The following FRAS1 variants were observed in gnomAD, a reference collection of about 807,000 sequenced individuals.
FRAS1 encodes the protein Fraser extracellular matrix complex subunit 1, also known as extracellular matrix organizing protein FRAS1.
FRAS1 carries 290 observed loss-of-function variants against 435.2 expected under a neutral mutation model. The ratio of observed to expected loss-of-function variants is 0.67; its 90% CI spans 0.61 to 0.73. The LOEUF (loss-of-function observed/expected upper bound fraction) is 0.73, where lower values mean the gene tolerates loss of function less well. FRAS1 is among the 30% of genes least tolerant of loss of function. The probability of loss-of-function intolerance (pLI) is 0.00; values close to 1 mark genes in which losing one functional copy is unlikely to be tolerated. For synonymous variants in FRAS1, 1,800 were observed against 1,851.0 expected, an observed-to-expected ratio of 0.97 and a Z score of 0.71; for missense variants, 4,860 against 5,001.5, an observed-to-expected ratio of 0.97 and a Z score of 0.85.
intron 18 of FRAS1, among the ~76,000 whole-genome samples, chr4:78,323,726 G>A (rs1729600173): frequency 6.6e-6 from 1 of 152,078 alleles, no homozygotes; most frequent in Non-Finnish European, 1.5e-5. Context: ...GACAGACAGA[G>A]CAAAGGATCT....
chr4:78,508,611 GT>G (rs1163079800), intron 62 of FRAS1, 119 bp from the exon 63 acceptor site: 1 of 1,006,558 alleles, frequency 9.9e-7, no homozygotes, highest in Non-Finnish European at 1.5e-6. Context: ...AACTTCTCCT[GT>G]TATATTTCAA....
At chr4:78,539,492 T>TA in intron 73 of FRAS1, 52 bp downstream of exon 73, 19 of 1,305,198 alleles carry the variant, frequency 1.5e-5, no homozygotes, top group Admixed American at 5.9e-5. Flanking sequence ...CTTTAAAGCT[T>TA]GAAAAAAAAA....
chr4:78,138,948 G>A (rs927987595), intron 2 of FRAS1, among the ~76,000 whole-genome samples: 6 of 152,136 alleles, frequency 3.9e-5, no homozygotes, highest in Non-Finnish European at 5.9e-5. Flanking sequence ...GGATTAATAA[G>A]CACTTCTCTT....
intron 2 of FRAS1, among the ~76,000 whole-genome samples, chr4:78,158,455 T>C (rs994448877): frequency 6.6e-6 from 1 of 152,172 alleles, no homozygotes; most frequent in African/African-American, 2.4e-5. Flanking sequence ...CTATTATAAA[T>C]GCAATTGCAT....
intron 2 of FRAS1, among the ~76,000 whole-genome samples, chr4:78,113,625 T>C (rs1439180472): frequency 3.9e-5 from 6 of 152,262 alleles, no homozygotes; most frequent in Non-Finnish European, 8.8e-5. Context: ...ATAAATGTCT[T>C]CTTTTGAGAA....
chr4:78,393,044 G>C (rs1451215229), intron 29 of FRAS1, among the ~76,000 whole-genome samples: 1 of 146,860 alleles, frequency 6.8e-6, no homozygotes, highest in Non-Finnish European at 1.5e-5. Flanking sequence ...CTACTTTATT[G>C]AGGAATGATT....
Position 78,167,228 on chromosome 4 carries a change from C to T in FRAS1, c.109-70282C>T, listed in dbSNP as rs1721367340. On this transcript the variant is annotated intron_variant, in intron 2 of 73. Transcript: ENST00000512123. ...TTATCTTTCAGCAGTTACTGACTTT[C>T]TTCCATGTACCAAAGGCTGAACTTA... is the stretch of plus-strand genomic sequence containing the variant. Among the ~76,000 whole-genome samples the T allele has an allele frequency of 2.0e-5, 3 of 152,306 alleles. No individual in the cohort carries two copies. The South Asian group carries it at 6.2e-4, about 32-fold the overall frequency.
intron 2 of FRAS1, among the ~76,000 whole-genome samples, chr4:78,219,588 TA>T (rs1723961099): frequency 6.6e-6 from 1 of 152,208 alleles, no homozygotes; most frequent in South Asian, 2.1e-4. Context: ...ATTAAGCATC[TA>T]AATAACATGT....
At chr4:78,462,299 TG>T (rs1719393947) in intron 47 of FRAS1, among the ~76,000 whole-genome samples, 1 of 151,944 alleles carries the variant, frequency 6.6e-6, no homozygotes, top group African/African-American at 2.4e-5. Context: ...CACTTGAACC[TG>T]GGAGGTGAAG....
chr4:78,240,590 GA>G (rs1216873999), intron 3 of FRAS1, among the ~76,000 whole-genome samples: 1 of 152,206 alleles, frequency 6.6e-6, no homozygotes, highest in Non-Finnish European at 1.5e-5. Context: ...AAATGTCTGG[GA>G]AAGACCCAGG....
At chr4:78,177,596 G>A (rs573445746) in intron 2 of FRAS1, among the ~76,000 whole-genome samples, 7 of 152,272 alleles carry the variant, frequency 4.6e-5, no homozygotes, top group African/African-American at 1.7e-4. Flanking sequence ...GGAGTCTCTG[G>A]GTCCTGAATC....
chr4:78,395,125 G>A (rs2110339471), intron 29 of FRAS1, among the ~76,000 whole-genome samples: 1 of 152,012 alleles, frequency 6.6e-6, no homozygotes, highest in Middle Eastern at 3.4e-3. Context: ...AGATCATGGT[G>A]TCTGTAAATA....
At chr4:78,189,276 C>T (rs1475970651) in intron 2 of FRAS1, among the ~76,000 whole-genome samples, 1 of 152,214 alleles carries the variant, frequency 6.6e-6, no homozygotes, top group Non-Finnish European at 1.5e-5. Context: ...AAAAGAAATA[C>T]TCCCTGCTTA....
Position 78,541,291 on chromosome 4 carries a change from A to G in FRAS1, c.*167A>G. ...ACAACTGAGCTACCTCATTCAGCAA[A>G]GAACCACTGAGAACCCCAGAGTATT... On this transcript the variant is annotated 3_prime_UTR_variant, in exon 74 of 74. Transcript: ENST00000512123. The G allele has an allele frequency of 2.4e-6, 1 of 419,494 alleles. No individual in the cohort carries two copies. 26.0% of individuals were successfully genotyped at this position (419,494 alleles called of 1,614,324 possible). A position where few individuals can be genotyped will look rare whatever the true frequency, so the allele number is the denominator to read the frequency against.
intron 31 of FRAS1, 30 bp downstream of exon 31, chr4:78,407,871 T>C (rs976743781): frequency 6.5e-7 from 1 of 1,547,802 alleles, no homozygotes; most frequent in African/African-American, 1.4e-5. Context: ...TTTTCTGAAG[T>C]CTGATGAATC....
chr4:78,360,852 A>T (rs894130108), intron 20 of FRAS1, among the ~76,000 whole-genome samples: 1 of 152,236 alleles, frequency 6.6e-6, no homozygotes, highest in Admixed American at 6.5e-5. Context: ...TGTACCCACA[A>T]AATACTATAG....
At chr4:78,329,351 G>A (rs112956512) in intron 18 of FRAS1, among the ~76,000 whole-genome samples, 6,332 of 152,258 alleles carry the variant, frequency 0.042, 372 homozygotes, top group African/African-American at 0.13. Flanking sequence ...CCCCCTCAAT[G>A]CATTTAATTA....
intron 65 of FRAS1, among the ~76,000 whole-genome samples, chr4:78,515,553 C>T (rs1721180487): frequency 6.6e-6 from 1 of 152,128 alleles, no homozygotes; most frequent in Admixed American, 6.5e-5. Flanking sequence ...CTCACCTTTT[C>T]CTCCCTGGTT....
intron 5 of FRAS1, 84 bp from the exon 6 acceptor site, chr4:78,255,158 T>C (rs1265561202): frequency 1.6e-5 from 22 of 1,380,612 alleles, no homozygotes; most frequent in Non-Finnish European, 2.0e-5. Context: ...TCTGACCAAC[T>C]GCACTGGCTG....
Sources: allele counts gnomAD v4.1 joint callset (sites outside exome capture counted in the v4.1 genomes callset), GRCh38; gene constraint gnomAD v4.1.1; transcripts MANE v1.5; gene names NCBI Gene and HGNC (gene_info 2026-07-23, HGNC 2026-07-21).